The following PPM1K variants were observed in gnomAD, a reference collection of about 807,000 sequenced individuals.
PPM1K encodes the protein protein phosphatase, Mg2+/Mn2+ dependent 1K, also known as protein phosphatase Mn(2+)-dependent 1K.
In PPM1K, 19 loss-of-function variants were observed where a neutral mutation model predicts 32.6. That is an observed-to-expected ratio of 0.58 (90% CI 0.41 to 0.86). The LOEUF (loss-of-function observed/expected upper bound fraction) is 0.86. PPM1K is among the 40% of genes least tolerant of loss of function. The pLI, the probability that PPM1K is intolerant of heterozygous loss-of-function variation, is 0.00. For missense variants in PPM1K, 362 were observed against 461.2 expected, an observed-to-expected ratio of 0.78 and a Z score of 1.97; for synonymous variants, 159 against 165.3, an observed-to-expected ratio of 0.96 and a Z score of 0.29.
At chr4:88,275,462 G>A (rs2110167713) in intron 3 of PPM1K, 1 of 985,176 alleles carries the variant, frequency 1.0e-6, no homozygotes, top group Non-Finnish European at 1.2e-6. Flanking sequence ...ATAATAAAAG[G>A]AGTCCTGTCA....
At chr4:88,283,242 G>C (rs1407195857) in intron 1 of PPM1K, among the ~76,000 whole-genome samples, 2 of 152,188 alleles carry the variant, frequency 1.3e-5, no homozygotes, top group Admixed American at 6.5e-5. Context: ...AGCCTCCGGG[G>C]CTGGGACCAC....
chr4:88,263,674 G>A (rs1365089165), intron 6 of PPM1K, among the ~76,000 whole-genome samples: 1 of 151,964 alleles, frequency 6.6e-6, no homozygotes, highest in African/African-American at 2.4e-5. Flanking sequence ...TTGAACTCCT[G>A]GGCTCAGGCA....
At chr4:88,276,261 T>A in intron 3 of PPM1K, 1 of 985,424 alleles carries the variant, frequency 1.0e-6, no homozygotes, top group Middle Eastern at 5.2e-4. Flanking sequence ...ATTTCTGTGG[T>A]GCACTTGGTT....
intron 3 of PPM1K, chr4:88,275,277 A>C: frequency 1.2e-6 from 1 of 828,222 alleles, no homozygotes. Context: ...GTATCATTCC[A>C]ATTTTAGTGT....
chr4:88,267,039 G>T (rs1731350781), intron 5 of PPM1K, among the ~76,000 whole-genome samples: 1 of 149,582 alleles, frequency 6.7e-6, no homozygotes, highest in South Asian at 2.2e-4. Context: ...GGTGATGCTG[G>T]CTGACTGGAT....
At chr4:88,283,871 G>A (rs1345238884) in intron 1 of PPM1K, 2 of 152,418 alleles carry the variant, frequency 1.3e-5, no homozygotes, top group African/African-American at 4.8e-5. Context: ...CCGCCTGCCT[G>A]CGAAGCCTCG....
At chr4:88,272,989 C>T (rs1211402105) in intron 3 of PPM1K, among the ~76,000 whole-genome samples, 1 of 152,230 alleles carries the variant, frequency 6.6e-6, no homozygotes, top group Non-Finnish European at 1.5e-5. Context: ...TGAACTCACA[C>T]ATGCCGGGCA....
At chr4:88,267,176 T>C (rs553283253) in intron 5 of PPM1K, among the ~76,000 whole-genome samples, 33 of 137,256 alleles carry the variant, frequency 2.4e-4, no homozygotes, top group African/African-American at 8.6e-4. Flanking sequence ...TGCTGGCTGA[T>C]TGGGTGCAAG....
chr4:88,278,092 A>C lies in PPM1K; in HGVS notation c.440+52T>G. On this transcript the variant is annotated intron_variant, in intron 2 of 6. Transcript: ENST00000608933. The surrounding 1 kb of genome is among the most constrained non-coding windows in gnomAD (Gnocchi z 4.2). ...AGCCTCAGCCAAAGGGTGAAAGTTT[A>C]AGTAGGAAGTATAGGAACTGCAAAG... 6 of 1,481,902 alleles carry C rather than the reference A, an allele frequency of 4.0e-6. No homozygotes were observed. In the Admixed American group the frequency reaches 1.1e-4, roughly 27 times the overall value. 91.8% of individuals were successfully genotyped at this position (1,481,902 alleles called of 1,614,324 possible).
intron 3 of PPM1K, among the ~76,000 whole-genome samples, chr4:88,273,685 A>C (rs975470816): frequency 3.3e-5 from 5 of 152,002 alleles, no homozygotes; most frequent in African/African-American, 4.8e-5. Context: ...GTCTCAAAAA[A>C]AAAAAAAAAG....
chr4:88,284,043 C>G lies in PPM1K; in HGVS notation c.-60+363G>C, dbSNP rs190154675. 389 of 152,326 alleles carry G rather than the reference C, an allele frequency of 2.6e-3. 2 individuals are homozygous for G. Among genetic ancestry groups the G allele is most frequent in the African/African-American group, 8.9e-3 (369 of 41,564 alleles). 9.4% of individuals were successfully genotyped at this position (152,326 alleles called of 1,614,324 possible). A position where few individuals can be genotyped will look rare whatever the true frequency, so the allele number is the denominator to read the frequency against. ...CTTCCGGGGCCTCGGGCAAGGGTCT[C>G]CAGTCCCAGCCCACCCACCCTGCCC... is the stretch of plus-strand genomic sequence containing the variant. On this transcript the variant is annotated intron_variant, in intron 1 of 6. Coordinates refer to ENST00000608933, the MANE Select transcript of PPM1K (RefSeq NM_152542.5).
intron 3 of PPM1K, 28 bp from the exon 4 acceptor site, chr4:88,268,934 A>G (rs762425570): frequency 3.8e-6 from 6 of 1,571,192 alleles, no homozygotes; most frequent in Non-Finnish European, 4.3e-6. Context: ...AAAAGAGTAC[A>G]AGTTAGTGAC....
chr4:88,280,843 T>C (rs1187552853), intron 1 of PPM1K, among the ~76,000 whole-genome samples: 1 of 152,096 alleles, frequency 6.6e-6, no homozygotes, highest in Non-Finnish European at 1.5e-5. Context: ...AGCAAGACAT[T>C]GTCTATTTAA....
intron 3 of PPM1K, 70 bp from the exon 4 acceptor site, chr4:88,268,976 C>A: frequency 7.9e-7 from 1 of 1,267,898 alleles, no homozygotes; most frequent in Non-Finnish European, 1.1e-6. Context: ...ATTTTTATTA[C>A]AAAATAAAAC....
intron 1 of PPM1K, among the ~76,000 whole-genome samples, chr4:88,281,372 A>G (rs746933700): frequency 1.8e-4 from 27 of 151,718 alleles, no homozygotes; most frequent in South Asian, 1.3e-3. Flanking sequence ...CCTCCCCCCA[A>G]TTTTTTTTTA....
chr4:88,282,997 T>C (rs1732075569), intron 1 of PPM1K, among the ~76,000 whole-genome samples: 1 of 152,226 alleles, frequency 6.6e-6, no homozygotes, highest in Admixed American at 6.5e-5. Flanking sequence ...AAAAAATTAT[T>C]AGCGAGAACT....
chr4:88,276,993 A>T (rs1054925456), intron 3 of PPM1K, 150 bp downstream of exon 3: 8 of 687,416 alleles, frequency 1.2e-5, no homozygotes, highest in Admixed American at 9.3e-5. Context: ...ATTTAATGTG[A>T]TTCTTCATAT....
At chr4:88,271,934 T>C (rs1436546605) in intron 3 of PPM1K, among the ~76,000 whole-genome samples, 1 of 152,238 alleles carries the variant, frequency 6.6e-6, no homozygotes, top group Non-Finnish European at 1.5e-5. Flanking sequence ...CGCATGTTTA[T>C]AATTTTGTAT....
chr4:88,266,776 TTGGGTGCAGGTGATGCTGGATGAC>T (rs1306022643), intron 5 of PPM1K, among the ~76,000 whole-genome samples: 11 of 135,564 alleles, frequency 8.1e-5, no homozygotes, highest in South Asian at 7.5e-4. Flanking sequence ...TGCTGGCCGA[TTGGGTGCAGGTGATGCTGGATGAC>T]TGGGTGCAGG....
Sources: gnomAD v4.1 joint callset for allele counts (sites outside exome capture counted in the v4.1 genomes callset) on GRCh38, gnomAD v4.1.1 for gene constraint, Gnocchi (gnomAD v3.1) non-coding constraint, MANE v1.5 for transcripts, NCBI Gene and HGNC (gene_info 2026-07-23, HGNC 2026-07-21) for gene names.